ATL3: variants seen among roughly 807,000 people sequenced by gnomAD.
ATL3 encodes the protein atlastin GTPase 3, also known as atlastin-3.
ATL3 carries 49 observed loss-of-function variants against 69.5 expected under a neutral mutation model. The observed-to-expected ratio is 0.71, with a 90% confidence interval of 0.56 to 0.89. ATL3 has a LOEUF of 0.89. Ranked by LOEUF, ATL3 falls within the 40% of genes least tolerant of loss-of-function variation. ATL3 has a pLI of 0.00. For synonymous variants in ATL3, 214 were observed against 224.1 expected (o/e 0.95, Z 0.40); for missense variants, 606 against 645.7 (o/e 0.94, Z 0.67).
chr11:63,644,687 G>C (rs747740291), intron 6 of ATL3, among the ~76,000 whole-genome samples: 1 of 151,982 alleles, frequency 6.6e-6, no homozygotes, highest in Non-Finnish European at 1.5e-5. Context: ...CACCACACCC[G>C]GCCAGATTTA....
At position 63,658,913 on chromosome 11, in the gene ATL3, G is replaced by C; in HGVS notation, c.262-9C>G. On this transcript the variant is annotated splice_polypyrimidine_tract_variant and intron_variant, in intron 2 of 12. Coordinates refer to ENST00000398868, the MANE Select transcript of ATL3 (RefSeq NM_015459.5). Reference sequence around the variant, plus strand: ...GAATGGCCACTTTCCTTCTACAGAAGTAAGAAATTTCTATTAAATCTTAAA... The same window carrying C: ...GAATGGCCACTTTCCTTCTACAGAACTAAGAAATTTCTATTAAATCTTAAA... 1.3e-6 allele frequency: 2 copies of C among 1,590,826 alleles called. No homozygotes were observed. The highest frequency in any genetic ancestry group is 2.3e-5 in the South Asian group (2 of 85,790).
At position 63,628,834 on chromosome 11, in the gene ATL3, CAAA is replaced by C. The variant is rs551769719; in HGVS notation, c.*482_*484del. The C allele has an allele frequency of 3.1e-4, 19 of 61,724 alleles. No homozygotes were observed. The highest frequency in any genetic ancestry group is 6.1e-4 in the East Asian group (1 of 1,634). The allele number at this position is 61,724 out of a possible 1,614,324, so 3.8% of individuals were successfully genotyped here. A position where few individuals can be genotyped will look rare whatever the true frequency, so the allele number is the denominator to read the frequency against. ...CTGGTGACAGAGCGAGACTCCAACT[CAAA>C]AAAAAAAAAAAAAAAAAAAAGAATC... On this transcript the variant is annotated 3_prime_UTR_variant, in exon 13 of 13. Coordinates refer to ENST00000398868, the MANE Select transcript of ATL3 (RefSeq NM_015459.5).
intron 3 of ATL3, among the ~76,000 whole-genome samples, chr11:63,656,116 T>C (rs1467848622): frequency 1.3e-5 from 2 of 150,128 alleles, no homozygotes; most frequent in Non-Finnish European, 3.0e-5. Flanking sequence ...CCCAGCTCCT[T>C]GGGAGGCTGA....
intron 7 of ATL3, 99 bp from the exon 8 acceptor site, chr11:63,643,594 C>A: frequency 1.8e-6 from 2 of 1,108,152 alleles, no homozygotes; most frequent in Non-Finnish European, 2.5e-6. Context: ...CTCCTCAACT[C>A]TGATGGATCA....
At chr11:63,662,716 T>C (rs1940457908) in intron 1 of ATL3, among the ~76,000 whole-genome samples, 1 of 152,178 alleles carries the variant, frequency 6.6e-6, no homozygotes, top group African/African-American at 2.4e-5. Flanking sequence ...TGAGCTCAAA[T>C]GATCCACTCG....
chr11:63,665,370 T>C (rs1054835738), intron 1 of ATL3, among the ~76,000 whole-genome samples: 2 of 146,106 alleles, frequency 1.4e-5, no homozygotes, highest in African/African-American at 2.5e-5. Flanking sequence ...AAAAGAAGAA[T>C]GTATACAGTT....
intron 5 of ATL3, among the ~76,000 whole-genome samples, chr11:63,649,273 T>A (rs1158694301): frequency 1.3e-5 from 2 of 152,198 alleles, no homozygotes; most frequent in African/African-American, 4.8e-5. Context: ...ATTAATGTGT[T>A]TAATCAGAAG....
intron 12 of ATL3, among the ~76,000 whole-genome samples, chr11:63,630,656 C>T (rs543981502): frequency 1.3e-5 from 2 of 150,956 alleles, no homozygotes; most frequent in South Asian, 4.2e-4. Flanking sequence ...ACTAGCGGGC[C>T]GTGGTGGCAC....
chr11:63,667,265 G>A (rs1271583980), intron 1 of ATL3, among the ~76,000 whole-genome samples: 4 of 152,114 alleles, frequency 2.6e-5, no homozygotes, highest in African/African-American at 7.2e-5. Flanking sequence ...AATAGCTCAT[G>A]ATAATATTCT....
At chr11:63,664,482 G>A (rs1408285541) in intron 1 of ATL3, among the ~76,000 whole-genome samples, 1 of 151,626 alleles carries the variant, frequency 6.6e-6, no homozygotes, top group African/African-American at 2.4e-5. Flanking sequence ...AGAGGTTGCT[G>A]TGAGCCAACA....
At position 63,631,166 on chromosome 11, in the gene ATL3, C is replaced by G. The variant is rs553188281; in HGVS notation, c.1413G>C (p.Gln471His). 1 of 1,614,172 alleles carries G rather than the reference C, an allele frequency of 6.2e-7. No homozygotes were observed. The highest frequency in any genetic ancestry group is 8.5e-7 in the Non-Finnish European group (1 of 1,180,020). ...GTAGTCCAACCATACAGTTGAACAACTGGGCTACAACCTCAAGACCTATGA... is the reference window on the plus strand; with the variant it reads ...GTAGTCCAACCATACAGTTGAACAAGTGGGCTACAACCTCAAGACCTATGA... ...TGFIGLEVVA[Q>H]LFNCMVGLLL... The change falls in exon 12 of 13, where the codon CAG becomes CAC. Residue 471 changes from glutamine (Q) to histidine (H), a missense_variant. Gln to His is a conservative substitution (Grantham distance 24, BLOSUM62 0). Transcript: ENST00000398868.
intron 9 of ATL3, 55 bp from the exon 10 acceptor site, chr11:63,635,645 C>A: frequency 1.5e-6 from 2 of 1,366,118 alleles, no homozygotes; most frequent in South Asian, 2.5e-5. Context: ...ATATCTTACT[C>A]ATATTTAATT....
intron 10 of ATL3, among the ~76,000 whole-genome samples, chr11:63,633,447 A>C (rs549189109): frequency 2.0e-5 from 3 of 152,136 alleles, no homozygotes; most frequent in African/African-American, 4.8e-5. Context: ...TCACTCTGTC[A>C]CCCAGGCTGG....
Position 63,652,002 on chromosome 11 carries a change from C to A in ATL3, c.511-16G>T. ...AATTATAAATCTAGAAAACAAAAATCCAGATTGATACTACTCTGGCTTACT... is the reference window on the plus strand; with the variant it reads ...AATTATAAATCTAGAAAACAAAAATACAGATTGATACTACTCTGGCTTACT... On this transcript the variant is annotated splice_polypyrimidine_tract_variant and intron_variant, in intron 4 of 12. Coordinates refer to ENST00000398868, the MANE Select transcript of ATL3 (RefSeq NM_015459.5). 6.2e-7 allele frequency: 1 copy of A among 1,600,418 alleles called. No homozygotes were observed. The highest frequency in any genetic ancestry group is 1.8e-5 in the Admixed American group (1 of 56,924).
chr11:63,638,363 T>C (rs540938245), intron 8 of ATL3, among the ~76,000 whole-genome samples: 1 of 152,178 alleles, frequency 6.6e-6, no homozygotes, highest in Non-Finnish European at 1.5e-5. Flanking sequence ...ATTTTCTTTA[T>C]GCTGACAACA....
upstream of ATL3, chr11:63,671,705 G>T (rs1042769935): frequency 1.6e-5 from 21 of 1,299,096 alleles, no homozygotes; most frequent in Non-Finnish European, 2.0e-5. Context: ...GTCCCGGCCA[G>T]CGGTCCTCAT....
chr11:63,634,038 C>CAAAAAAAAAAAA, intron 10 of ATL3, among the ~76,000 whole-genome samples: 1 of 76,102 alleles, frequency 1.3e-5, no homozygotes, highest in Non-Finnish European at 2.6e-5. Context: ...CTGTCTCAAA[C>CAAAAAAAAAAAA]AAAAAAAAAA....
intron 1 of ATL3, among the ~76,000 whole-genome samples, chr11:63,662,997 A>C (rs905051683): frequency 1.3e-5 from 2 of 152,232 alleles, no homozygotes; most frequent in African/African-American, 4.8e-5. Context: ...TGAAGGCTAC[A>C]CGATCATGGC....
At chr11:63,671,435 C>G (rs1158318300), upstream of ATL3, 1 of 1,498,818 alleles carries the variant, frequency 6.7e-7, no homozygotes, top group African/African-American at 1.5e-5. Flanking sequence ...ACGGGCGGAG[C>G]CTGGGCTCTA....
Sources: allele counts gnomAD v4.1 joint callset (sites outside exome capture counted in the v4.1 genomes callset), GRCh38; gene constraint gnomAD v4.1.1; transcripts MANE v1.5; gene names NCBI Gene and HGNC (gene_info 2026-07-23, HGNC 2026-07-21).